Variants in ESPNL observed in about 807,000 individuals in gnomAD.
The protein encoded by ESPNL is espin like, also known as espin-like protein.
A neutral mutation model predicts 46.8 loss-of-function variants in ESPNL; 49 were observed. The ratio of observed to expected loss-of-function variants is 1.05; its 90% CI spans 0.83 to 1.33. ESPNL has a LOEUF of 1.33. Ranked by LOEUF, ESPNL falls within the 40% of genes most tolerant of loss-of-function variation. ESPNL has a pLI of 0.00. For synonymous variants in ESPNL, 664 were observed against 662.1 expected (o/e 1.00, Z -0.04); for missense variants, 1,540 against 1,436.6 (o/e 1.07, Z -1.16).
chr2:238,103,477 A>G (rs933168743), intron 2 of ESPNL, among the ~76,000 whole-genome samples: 4 of 152,038 alleles, frequency 2.6e-5, no homozygotes, highest in Admixed American at 6.6e-5. Context: ...GCACACACAC[A>G]CGCACACACG....
At chr2:238,128,677 G>A in intron 7 of ESPNL, 30 bp from the exon 8 acceptor site, 1 of 1,568,834 alleles carries the variant, frequency 6.4e-7, no homozygotes, top group Non-Finnish European at 8.7e-7. Flanking sequence ...GTCCCCTTCG[G>A]GCCTGTGTGA....
At chr2:238,118,947 GGA>G (rs1380629075) in intron 5 of ESPNL, among the ~76,000 whole-genome samples, 10 of 139,656 alleles carry the variant, frequency 7.2e-5, no homozygotes, top group African/African-American at 2.5e-4. Context: ...GGATGGAAGA[GGA>G]TTGATGGAGG....
intron 5 of ESPNL, among the ~76,000 whole-genome samples, chr2:238,118,852 TGGATGGAAGAGGAC>T: frequency 9.1e-6 from 1 of 109,610 alleles, no homozygotes; most frequent in Non-Finnish European, 1.9e-5. Flanking sequence ...AGGAAGAGGG[TGGATGGAAGAGGAC>T]GGATGGAGGA....
At position 238,128,744 on chromosome 2, in the gene ESPNL, G is replaced by A; in HGVS notation, c.1253G>A (p.Gly418Asp). The A allele has an allele frequency of 1.2e-6, 2 of 1,601,408 alleles. No individual in the cohort carries two copies. The highest frequency in any genetic ancestry group is 1.3e-5 in the African/African-American group (1 of 74,858). ...GCGCTGGCGGGGGACACCTCAGATG[G>A]CCTGGCCGCACTACAGCTGGATGGG... The part of the protein sequence containing the change: ...ETALAGDTSD[G>D]LAALQLDGLP... Residue 418 changes from glycine (G) to aspartate (D), a missense_variant, in exon 8 of 9, where the codon GGC (glycine) becomes GAC (aspartate). Coordinates refer to ENST00000343063, the MANE Select transcript of ESPNL (RefSeq NM_194312.4).
In ESPNL at chr2:238,131,424, G is replaced by A. The variant is rs200773816; in HGVS notation, c.2710G>A (p.Val904Met). The A allele has an allele frequency of 6.1e-3, 9,741 of 1,608,730 alleles. 59 individuals carry two copies. The highest frequency in any genetic ancestry group is 8.9e-3 in the Middle Eastern group (54 of 6,048). ...GGCTGTGCGCGCCTTCCACAAGGCC[G>A]TGACCGACGAGGTGGCCGCCGGCCG... ...WEAVRAFHKA[V>M]TDEVAAGRRA... is the part of the protein sequence containing the mutation. The change falls in exon 9 of 9, where the codon GTG (valine) becomes ATG (methionine). Residue 904 changes from valine to methionine, a missense_variant. Val to Met is a conservative substitution (Grantham distance 21). Transcript: ENST00000343063.
chr2:238,112,865 T>C (rs1381949948), intron 4 of ESPNL, among the ~76,000 whole-genome samples: 1 of 152,250 alleles, frequency 6.6e-6, no homozygotes, highest in African/African-American at 2.4e-5. Context: ...ATTTCAATCC[T>C]TTGATTTTTT....
intron 5 of ESPNL, among the ~76,000 whole-genome samples, chr2:238,121,202 T>C (rs1397370656): frequency 6.6e-6 from 1 of 152,160 alleles, no homozygotes. Flanking sequence ...CCCTCCCCTC[T>C]GCTAGCCAAG....
intron 6 of ESPNL, chr2:238,127,265 A>ATC: frequency 1.2e-6 from 1 of 808,160 alleles, no homozygotes; most frequent in East Asian, 7.3e-5. Context: ...GTGTGTTTTC[A>ATC]TCGGGGCAGG....
In ESPNL at chr2:238,104,810, G is replaced by A. The variant is rs150072009; in HGVS notation, c.640G>A (p.Ala214Thr). 6.1e-5 allele frequency: 94 copies of A among 1,552,252 alleles called. No homozygotes were observed. Among genetic ancestry groups the A allele is most frequent in the African/African-American group, 2.7e-5 (2 of 73,316 alleles). The change falls in exon 3 of 9, where the codon GCC becomes ACC. Residue 214 changes from alanine (A) to threonine (T), a missense_variant. Ala to Thr is a moderately conservative substitution (Grantham distance 58). Coordinates refer to ENST00000343063, the MANE Select transcript of ESPNL (RefSeq NM_194312.4). ...CATGAGCGCCCTGCACGCTGCCGCC[G>A]CCCGTGGCCACTACTCCCTCGTCGT... ...DGMSALHAAA[A>T]RGHYSLVVWL...
chr2:238,118,354 G>A lies in ESPNL; in HGVS notation c.987+1320G>A, dbSNP rs370445335. 1.7e-4 allele frequency among the ~76,000 whole-genome samples: 23 copies of A among 137,596 alleles called. No homozygotes were observed. In the East Asian group the frequency reaches 3.8e-3, roughly 23 times the overall value. The allele number at this position is 137,596 out of a possible 152,430, so 90.3% of individuals were successfully genotyped here. A position where few individuals can be genotyped will look rare whatever the true frequency, so the allele number is the denominator to read the frequency against. On this transcript the variant is annotated intron_variant, in intron 5 of 8. Transcript: ENST00000343063. ...GAAGGTGGATGGAGGAGGAATGGATGGAGGAGGAATGGATGGAGGAGGTGG... is the reference window on the plus strand; with the variant it reads ...GAAGGTGGATGGAGGAGGAATGGATAGAGGAGGAATGGATGGAGGAGGTGG...
chr2:238,104,595 G>T (rs1347537097), intron 2 of ESPNL, 61 bp from the exon 3 acceptor site: 1 of 1,479,258 alleles, frequency 6.8e-7, no homozygotes. Flanking sequence ...AGTCCAAGCA[G>T]CCGAGGGATG....
chr2:238,124,742 T>C (rs1692065034), intron 5 of ESPNL, among the ~76,000 whole-genome samples: 1 of 137,530 alleles, frequency 7.3e-6, no homozygotes, highest in Admixed American at 7.3e-5. Flanking sequence ...GGAGAGTACA[T>C]GCATGTGTGT....
intron 3 of ESPNL, among the ~76,000 whole-genome samples, chr2:238,105,893 C>A (rs1691586095): frequency 6.6e-6 from 1 of 152,136 alleles, no homozygotes; most frequent in Non-Finnish European, 1.5e-5. Flanking sequence ...CTCCCACCCA[C>A]TCAGTCCAGC....
At position 238,131,278 on chromosome 2, in the gene ESPNL, T is replaced by A; in HGVS notation, c.2564T>A (p.Leu855Gln). 1 of 1,580,398 alleles carries A rather than the reference T, an allele frequency of 6.3e-7. No homozygotes were observed. The highest frequency in any genetic ancestry group is 8.6e-7 in the Non-Finnish European group (1 of 1,164,878). The change falls in exon 9 of 9, where the codon CTG becomes CAG. Residue 855 changes from leucine to glutamine, a missense_variant. Physicochemically the swap from Leu to Gln is moderately radical, Grantham distance 113. Coordinates refer to ENST00000343063, the MANE Select transcript of ESPNL (RefSeq NM_194312.4). The stretch of plus-strand genomic sequence containing the variant: ...CCGGTGCCCTACAGCAGCCTCTCAC[T>A]GGATCTCTTCATGCTGGGTTACTTC... ...GAPVPYSSLS[L>Q]DLFMLGYFQL...
intron 5 of ESPNL, among the ~76,000 whole-genome samples, chr2:238,120,859 C>G (rs1386184870): frequency 6.6e-6 from 1 of 152,244 alleles, no homozygotes; most frequent in Non-Finnish European, 1.5e-5. Flanking sequence ...AGGGGCTGCT[C>G]ACACTGGCCG....
Position 238,131,710 on chromosome 2 carries a change from A to G in ESPNL, c.2996A>G (p.Glu999Gly). ...GCCTTCTGGAAGGAGAAGGAAGCTG[A>G]GATGTTCAACTTTGGAGAATGACCC... The part of the protein sequence containing the change: ...SFAFWKEKEA[E>G]MFNFGE The change falls in exon 9 of 9, where the codon GAG becomes GGG. Residue 999 changes from glutamate to glycine, a missense_variant. Coordinates refer to ENST00000343063, the MANE Select transcript of ESPNL (RefSeq NM_194312.4). The G allele has an allele frequency of 6.3e-7, 1 of 1,588,338 alleles. No homozygotes were observed. The highest frequency in any genetic ancestry group is 8.6e-7 in the Non-Finnish European group (1 of 1,160,734).
At chr2:238,122,872 G>T (rs1692018476) in intron 5 of ESPNL, among the ~76,000 whole-genome samples, 1 of 152,248 alleles carries the variant, frequency 6.6e-6, no homozygotes, top group South Asian at 2.1e-4. Flanking sequence ...CACCACTTGT[G>T]TCTGGCTTTT....
rs115807387 is a variant in ESPNL at position 238,104,650 on chromosome 2, C to G, written c.486-6C>G. The G allele has an allele frequency of 1.0e-3, 1,647 of 1,574,750 alleles. 17 individuals carry two copies. In the African/African-American group the frequency reaches 0.019, roughly 18 times the overall value. ...ACTGGGCCTCCAAACCCTCCCTTCC[C>G]TGCAGCAGCGTGAACCGGCGGACAC... On this transcript the variant is annotated splice_polypyrimidine_tract_variant and splice_region_variant and intron_variant, in intron 2 of 8. Coordinates refer to ENST00000343063, the MANE Select transcript of ESPNL (RefSeq NM_194312.4).
chr2:238,130,747 C>A lies in ESPNL; in HGVS notation c.2033C>A (p.Ala678Asp), dbSNP rs1692299487. 1 of 1,564,170 alleles carries A rather than the reference C, an allele frequency of 6.4e-7. No individual in the cohort carries two copies. The highest frequency in any genetic ancestry group is 1.2e-5 in the South Asian group (1 of 86,312). The change falls in exon 9 of 9, where the codon GCC becomes GAC. Residue 678 changes from alanine to aspartate, a missense_variant. Transcript: ENST00000343063. The part of the protein sequence containing the change: ...GFNPGPCEPG[A>D]QHRQCLSGCW... ...AACCCTGGCCCCTGCGAGCCGGGGG[C>A]CCAGCACAGGCAGTGCCTGAGTGGC... is the stretch of plus-strand genomic sequence containing the variant.
Sources: gnomAD v4.1 joint callset for allele counts (sites outside exome capture counted in the v4.1 genomes callset) on GRCh38, gnomAD v4.1.1 for gene constraint, MANE v1.5 for transcripts, NCBI Gene and HGNC (gene_info 2026-07-23, HGNC 2026-07-21) for gene names.